CELA3A: variants seen among roughly 807,000 people sequenced by gnomAD.
CELA3A encodes chymotrypsin-like elastase family member 3A.
A neutral mutation model predicts 38.6 loss-of-function variants in CELA3A; 35 were observed. The observed-to-expected ratio is 0.91, with a 90% CI of 0.69 to 1.20. CELA3A has a LOEUF of 1.20. Among genes scored for constraint, CELA3A ranks in the 50% most tolerant of loss-of-function variants. The pLI is 0.00. For synonymous variants in CELA3A, 143 were observed against 136.7 expected (o/e 1.05, Z -0.32); for missense variants, 343 against 354.2 (o/e 0.97, Z 0.25).
Position 22,007,373 on chromosome 1 carries a change from C to A in CELA3A, c.500C>A (p.Thr167Asn). ...GACTCGGTGCTTTTTATCCTTGCAG[C>A]CAATGGGCCACTCCCAGACAAGCTG... ...CYITGWGRLY[T>N]NGPLPDKLQQ... is the part of the protein sequence containing the mutation. The change falls in exon 6 of 8, where the codon ACC (threonine) becomes AAC (asparagine). Residue 167 changes from threonine (T) to asparagine (N), a missense_variant and splice_region_variant. Physicochemically the swap from Thr to Asn is moderately conservative, Grantham distance 65 (BLOSUM62 0). Coordinates refer to ENST00000290122, the MANE Select transcript of CELA3A (RefSeq NM_005747.5). 6.2e-7 allele frequency: 1 copy of A among 1,608,506 alleles called. No individual in the cohort carries two copies. Among genetic ancestry groups the A allele is most frequent in the Non-Finnish European group, 8.5e-7 (1 of 1,177,504 alleles).
At chr1:22,008,569 C>T (rs1644965138) in intron 6 of CELA3A, among the ~76,000 whole-genome samples, 1 of 150,558 alleles carries the variant, frequency 6.6e-6, no homozygotes, top group South Asian at 2.1e-4. Flanking sequence ...ATCATCCTGG[C>T]TAACATGGTG....
chr1:22,005,127 G>T (rs1644941666), intron 2 of CELA3A, among the ~76,000 whole-genome samples: 2 of 150,814 alleles, frequency 1.3e-5, no homozygotes. Flanking sequence ...CACAGGGCGA[G>T]GGGTGCGTGA....
chr1:22,011,565 C>T (rs1447460056), intron 7 of CELA3A, among the ~76,000 whole-genome samples: 1 of 127,534 alleles, frequency 7.8e-6, no homozygotes, highest in African/African-American at 3.2e-5. Context: ...TCGAGACCAG[C>T]CTGGCCAATA....
chr1:22,005,829 C>T (rs760203753), intron 4 of CELA3A, 33 bp downstream of exon 4: 7 of 1,609,286 alleles, frequency 4.3e-6, no homozygotes, highest in East Asian at 4.5e-5. Flanking sequence ...AACCCAGGGG[C>T]TCCTCTACTT....
At chr1:22,011,196 A>C (rs1644982043) in intron 7 of CELA3A, 1 of 151,530 alleles carries the variant, frequency 6.6e-6, no homozygotes, top group Non-Finnish European at 1.5e-5. Context: ...CCTGGCCGAC[A>C]TGGTGAAACC....
rs1410340732 is a variant in CELA3A at position 22,007,525 on chromosome 1, C to A, written c.642+10C>A. 3 of 1,606,554 alleles carry A rather than the reference C, an allele frequency of 1.9e-6. 1 individual carries two copies. In the East Asian group the frequency reaches 6.7e-5, roughly 36 times the overall value. On this transcript the variant is annotated intron_variant, in intron 6 of 7. Transcript: ENST00000290122. ...CCGCTCCGGCTGCAACGTGAGTCAGCTCTTACCTGCCCGAGGTGGTGCTGG... is the reference window on the plus strand; with the variant it reads ...CCGCTCCGGCTGCAACGTGAGTCAGATCTTACCTGCCCGAGGTGGTGCTGG...
chr1:22,009,022 C>T (rs1644967910), intron 6 of CELA3A, among the ~76,000 whole-genome samples: 1 of 151,632 alleles, frequency 6.6e-6, no homozygotes, highest in African/African-American at 2.4e-5. Context: ...GGTGGATCAC[C>T]TGAGGTCAGG....
At chr1:22,009,239 C>T (rs1399045217) in intron 6 of CELA3A, among the ~76,000 whole-genome samples, 6 of 151,430 alleles carry the variant, frequency 4.0e-5, no homozygotes, top group Admixed American at 3.3e-4. Flanking sequence ...TAGTGGGCAC[C>T]TATAGTCCCA....
intron 7 of CELA3A, 57 bp downstream of exon 7, chr1:22,009,914 A>T (rs1644973840): frequency 3.8e-6 from 6 of 1,565,806 alleles, no homozygotes; most frequent in Admixed American, 2.0e-5. Flanking sequence ...CTGAGAGGTG[A>T]CAGGTGAGAA....
At chr1:22,005,638 G>T (rs370258410) in intron 3 of CELA3A, 24 bp from the exon 4 acceptor site, 3 of 1,612,376 alleles carry the variant, frequency 1.9e-6, no homozygotes, top group Non-Finnish European at 2.5e-6. Flanking sequence ...GTCAGGCCCC[G>T]ACTGACCTCA....
In CELA3A at chr1:22,005,647, C is replaced by A; in HGVS notation, c.228-15C>A. 6.2e-7 allele frequency: 1 copy of A among 1,612,314 alleles called. No homozygotes were observed. Among genetic ancestry groups the A allele is most frequent in the South Asian group, 1.1e-5 (1 of 91,018 alleles). On this transcript the variant is annotated splice_polypyrimidine_tract_variant and intron_variant, in intron 3 of 7. Transcript: ENST00000290122. ...GAGCCAGTCAGGCCCCGACTGACCT[C>A]ACCTCTGCCTGCAGGAGGGATCTGA...
At chr1:22,007,089 T>C in intron 5 of CELA3A, 75 bp downstream of exon 5, 1 of 1,575,866 alleles carries the variant, frequency 6.3e-7, no homozygotes, top group Non-Finnish European at 8.7e-7. Context: ...AGGTTGAAGG[T>C]AACACCAAGA....
rs573687841 is a variant in CELA3A at position 22,003,383 on chromosome 1, T to C, written c.129+295T>C. 6.6e-5 allele frequency among the ~76,000 whole-genome samples: 10 copies of C among 151,214 alleles called. 1 individual carries two copies. The East Asian group carries it at 2.0e-3, about 30-fold the overall frequency. On this transcript the variant is annotated intron_variant, in intron 2 of 7. Transcript: ENST00000290122. ...GGCACTGTGTTGACGAAGTGAGATT[T>C]TGAGAGACTCATTTCTAGATTCCTA...
rs377420172 is a variant in CELA3A at position 22,005,666 on chromosome 1, G to A, written c.232G>A (p.Asp78Asn). 4 of 1,612,298 alleles carry A rather than the reference G, an allele frequency of 2.5e-6. No individual in the cohort carries two copies. Among genetic ancestry groups the A allele is most frequent in the Admixed American group, 1.7e-5 (1 of 59,894 alleles). ...VVTAGHCISR[D>N]LTYQVVLGEY... ...TGACCTCACCTCTGCCTGCAGGAGG[G>A]ATCTGACCTACCAGGTGGTGTTGGG... is the stretch of plus-strand genomic sequence containing the variant. Residue 78 changes from aspartate (D) to asparagine (N), a missense_variant, in exon 4 of 8, where the codon GAT (aspartate) becomes AAT (asparagine). Asp to Asn is a conservative substitution (Grantham distance 23). Coordinates refer to ENST00000290122, the MANE Select transcript of CELA3A (RefSeq NM_005747.5).
intron 7 of CELA3A, among the ~76,000 whole-genome samples, chr1:22,010,349 A>G (rs184799444): frequency 0.012 from 1,745 of 150,994 alleles, 73 homozygotes; most frequent in African/African-American, 0.04. Flanking sequence ...TGGGCATGGC[A>G]TAGTCATGCC....
At position 22,007,361 on chromosome 1, in the gene CELA3A, T is replaced by C; in HGVS notation, c.500-12T>C. 1 of 1,605,334 alleles carries C rather than the reference T, an allele frequency of 6.2e-7. No homozygotes were observed. The highest frequency in any genetic ancestry group is 8.5e-7 in the Non-Finnish European group (1 of 1,175,916). The stretch of plus-strand genomic sequence containing the variant: ...CCCCAGACCCCTGACTCGGTGCTTT[T>C]TATCCTTGCAGCCAATGGGCCACTC... On this transcript the variant is annotated splice_polypyrimidine_tract_variant and intron_variant, in intron 5 of 7. Coordinates refer to ENST00000290122, the MANE Select transcript of CELA3A (RefSeq NM_005747.5).
Position 22,003,085 on chromosome 1 carries a change from G to A in CELA3A, c.126G>A (p.Trp42Ter), listed in dbSNP as rs1644927924. 1.3e-6 allele frequency: 2 copies of A among 1,578,114 alleles called. No homozygotes were observed. Among genetic ancestry groups the A allele is most frequent in the African/African-American group, 3.3e-5 (2 of 61,416 alleles). Residue 42 changes from tryptophan (W) to a stop codon, truncating the protein, a stop_gained, in exon 2 of 8, where the codon TGG (tryptophan) becomes TGA (stop). Coordinates refer to ENST00000290122, the MANE Select transcript of CELA3A (RefSeq NM_005747.5). LOFTEE classifies it high-confidence loss of function. Reference sequence around the variant, plus strand: ...ATGCGGTCCCCTACAGCTGGCCCTGGCAGGTAAGAGCAATAGCAGCTGCCC... The same window carrying A: ...ATGCGGTCCCCTACAGCTGGCCCTGACAGGTAAGAGCAATAGCAGCTGCCC... ...GEDAVPYSWP[W>*]QVSLQYEKSG...
intron 2 of CELA3A, among the ~76,000 whole-genome samples, chr1:22,003,668 TGA>T (rs1246775494): frequency 6.7e-6 from 1 of 149,452 alleles, no homozygotes; most frequent in African/African-American, 2.5e-5. Context: ...GGCAACAGAG[TGA>T]GACTCTGTCT....
At chr1:22,006,103 A>C in intron 4 of CELA3A, 1 of 378,440 alleles carries the variant, frequency 2.6e-6, no homozygotes, top group East Asian at 4.6e-5. Flanking sequence ...TTCCTCTGGC[A>C]TCCTTCCCCC....
Sources: allele counts gnomAD v4.1 joint callset (sites outside exome capture counted in the v4.1 genomes callset), GRCh38; gene constraint gnomAD v4.1.1; transcripts MANE v1.5; gene names NCBI Gene and HGNC (gene_info 2026-07-23, HGNC 2026-07-21).